CLUL1: variants seen among roughly 807,000 people sequenced by gnomAD.
CLUL1 encodes the protein clusterin like 1.
A neutral mutation model predicts 49.4 loss-of-function variants in CLUL1; 43 were observed. The observed-to-expected ratio is 0.87, with a 90% confidence interval of 0.68 to 1.12. CLUL1 has a LOEUF of 1.12. Ranked by LOEUF, CLUL1 falls within the 50% of genes most tolerant of loss-of-function variation. The pLI is 0.00. For synonymous variants in CLUL1, 192 were observed against 184.9 expected, an observed-to-expected ratio of 1.04 and a Z score of -0.31; for missense variants, 486 against 544.4, an observed-to-expected ratio of 0.89 and a Z score of 1.07.
At chr18:624,721 G>T in intron 4 of CLUL1, 144 bp from the exon 5 acceptor site, 1 of 670,798 alleles carries the variant, frequency 1.5e-6, no homozygotes, top group South Asian at 2.0e-5. Context: ...GAAAGCTTTG[G>T]GGGAGATCTG....
chr18:642,410 C>T (rs920149644), intron 8 of CLUL1, among the ~76,000 whole-genome samples: 8 of 152,054 alleles, frequency 5.3e-5, no homozygotes, highest in Middle Eastern at 3.2e-3. Context: ...CCAGCCTGGG[C>T]GACAGAAGGA....
At position 645,058 on chromosome 18, in the gene CLUL1, CA is replaced by C. The variant is rs760663453; in HGVS notation, c.1362del (p.Ala455LeufsTer16). On this transcript the variant is annotated frameshift_variant, in exon 9 of 10. Coordinates refer to ENST00000692774, the MANE Select transcript of CLUL1 (RefSeq NM_001393344.1). LOFTEE classifies it high-confidence loss of function. Reference protein sequence around the residue: ...ESSNFIGYVVAKALQHFKEHF... With the variant: ...ESSNFIGYVVXKALQHFKEHF... ...TCTAACTTCATTGGCTACGTAGTGG[CA>C]AAAGCTCTACAGCATTTTAAGGAAC... is the stretch of plus-strand genomic sequence containing the variant. 23 of 1,610,102 alleles carry C rather than the reference CA, an allele frequency of 1.4e-5. No individual in the cohort carries two copies. The highest frequency in any genetic ancestry group is 1.8e-5 in the Non-Finnish European group (21 of 1,178,434).
At position 607,053 on chromosome 18, in the gene CLUL1, T is replaced by A. The variant is rs1355914005; in HGVS notation, c.-60T>A. The A allele has an allele frequency of 1.4e-6, 1 of 701,684 alleles. No individual in the cohort carries two copies. The highest frequency in any genetic ancestry group is 2.7e-5 in the East Asian group (1 of 37,292). 43.5% of individuals were successfully genotyped at this position (701,684 alleles called of 1,614,324 possible). ...CTCACTGAAGCCTCAAATTCCTGGGTTCAAGTGACCCTCCTACCTCAGCCC... is the reference window on the plus strand; with the variant it reads ...CTCACTGAAGCCTCAAATTCCTGGGATCAAGTGACCCTCCTACCTCAGCCC... On this transcript the variant is annotated 5_prime_UTR_variant, in exon 2 of 10. Coordinates refer to ENST00000692774, the MANE Select transcript of CLUL1 (RefSeq NM_001393344.1).
At chr18:629,582 G>A (rs1157411597) in intron 6 of CLUL1, among the ~76,000 whole-genome samples, 1 of 152,110 alleles carries the variant, frequency 6.6e-6, no homozygotes, top group Non-Finnish European at 1.5e-5. Flanking sequence ...CACACAGCTG[G>A]GGGCCAGCCC....
chr18:648,971 T>C (rs1389008332), intron 9 of CLUL1, among the ~76,000 whole-genome samples: 2 of 152,228 alleles, frequency 1.3e-5, no homozygotes, highest in Non-Finnish European at 2.9e-5. Context: ...TTTCAATTTT[T>C]AAAATCTTCA....
intron 1 of CLUL1, among the ~76,000 whole-genome samples, chr18:600,568 A>G (rs2072799477): frequency 6.6e-6 from 1 of 152,230 alleles, no homozygotes; most frequent in Non-Finnish European, 1.5e-5. Context: ...AAATACACTC[A>G]GAAACCTGAG....
chr18:643,198 C>T (rs1375393296), intron 8 of CLUL1, among the ~76,000 whole-genome samples: 1 of 152,182 alleles, frequency 6.6e-6, no homozygotes, highest in African/African-American at 2.4e-5. Context: ...ATATGCACAT[C>T]ATGGAATTTC....
intron 1 of CLUL1, among the ~76,000 whole-genome samples, chr18:601,698 A>T (rs1298488326): frequency 2.6e-5 from 4 of 151,782 alleles, no homozygotes; most frequent in Non-Finnish European, 1.5e-5. Flanking sequence ...AATCCCAGCT[A>T]CCTGGAAGGC....
At chr18:621,558 G>A (rs1055020941) in intron 4 of CLUL1, among the ~76,000 whole-genome samples, 15 of 152,290 alleles carry the variant, frequency 9.8e-5, no homozygotes, top group African/African-American at 3.6e-4. Flanking sequence ...CCCTCCAGCT[G>A]GGATCTTCCC....
chr18:641,297 C>T (rs1171853535), intron 7 of CLUL1, 30 bp from the exon 8 acceptor site: 10 of 1,598,212 alleles, frequency 6.3e-6, no homozygotes, highest in African/African-American at 1.3e-5. Context: ...TGGACTTTTT[C>T]CTTCTCCACA....
intron 9 of CLUL1, 89 bp downstream of exon 9, chr18:645,186 G>A (rs1184216267): frequency 2.9e-5 from 29 of 998,592 alleles, no homozygotes; most frequent in Non-Finnish European, 4.0e-5. Flanking sequence ...CAAATACCTG[G>A]AAAACATGTT....
intron 2 of CLUL1, chr18:612,696 A>C (rs1873233465): frequency 6.6e-6 from 1 of 152,060 alleles, no homozygotes; most frequent in Admixed American, 6.6e-5. Context: ...ATTCCCACTT[A>C]ATTTTCTTCA....
At chr18:612,289 A>T (rs2073158031) in intron 2 of CLUL1, among the ~76,000 whole-genome samples, 1 of 152,160 alleles carries the variant, frequency 6.6e-6, no homozygotes. Flanking sequence ...TACTTACAGG[A>T]TATGCACATT....
chr18:616,920 A>G (rs981243919), intron 2 of CLUL1, among the ~76,000 whole-genome samples: 1 of 152,244 alleles, frequency 6.6e-6, no homozygotes, highest in African/African-American at 2.4e-5. Flanking sequence ...AATGTTGATC[A>G]AATAATGGAG....
At position 606,893 on chromosome 18, in the gene CLUL1, C is replaced by A. The variant is rs995982904; in HGVS notation, c.-135-85C>A. On this transcript the variant is annotated intron_variant, in intron 1 of 9. Transcript: ENST00000692774. The surrounding 1 kb of genome is among the most constrained non-coding windows in gnomAD (Gnocchi z 4.1). ...AAGGCCAGTTCACCCTCAGTGCTCA[C>A]TACTTTGCAGTGTTCATAGAATATT... 3.6e-6 allele frequency: 2 copies of A among 559,356 alleles called. No individual in the cohort carries two copies. The highest frequency in any genetic ancestry group is 3.8e-5 in the African/African-American group (2 of 52,708). The allele number at this position is 559,356 out of a possible 1,614,324, so 34.6% of individuals were successfully genotyped here.
intron 4 of CLUL1, among the ~76,000 whole-genome samples, chr18:620,651 CTT>C (rs1233526025): frequency 1.3e-5 from 2 of 152,158 alleles, no homozygotes; most frequent in Non-Finnish European, 2.9e-5. Flanking sequence ...AGCCTAATCA[CTT>C]TTTCAAATTC....
At chr18:644,382 C>A (rs188783015) in intron 8 of CLUL1, among the ~76,000 whole-genome samples, 1 of 152,268 alleles carries the variant, frequency 6.6e-6, no homozygotes, top group Non-Finnish European at 1.5e-5. Flanking sequence ...AAAATCACAC[C>A]TACAACCATA....
Position 624,948 on chromosome 18 carries a change from G to T in CLUL1, c.339G>T (p.Trp113Cys). 2 of 1,614,090 alleles carry T rather than the reference G, an allele frequency of 1.2e-6. No individual in the cohort carries two copies. Among genetic ancestry groups the T allele is most frequent in the Non-Finnish European group, 1.7e-6 (2 of 1,179,982 alleles). Residue 113 changes from tryptophan (W) to cysteine (C), a missense_variant, in exon 5 of 10, where the codon TGG becomes TGT. Physicochemically the swap from Trp to Cys is radical, Grantham distance 215. Coordinates refer to ENST00000692774, the MANE Select transcript of CLUL1 (RefSeq NM_001393344.1). The stretch of plus-strand genomic sequence containing the variant: ...GCCGGGAGTCTTTGGCAGATTCCTG[G>T]GGTGAATGCAGGTCTTGCCTGGAAA... ...RLCRESLADS[W>C]GECRSCLENN... is the part of the protein sequence containing the mutation.
At chr18:619,063 G>A in intron 3 of CLUL1, 150 bp from the exon 4 acceptor site, 1 of 656,356 alleles carries the variant, frequency 1.5e-6, no homozygotes, top group Non-Finnish European at 2.5e-6. Flanking sequence ...CCATGTGGCA[G>A]CTGACAGCTA....
Sources: gnomAD v4.1 joint callset for allele counts (sites outside exome capture counted in the v4.1 genomes callset) on GRCh38, gnomAD v4.1.1 for gene constraint, Gnocchi (gnomAD v3.1) non-coding constraint, MANE v1.5 for transcripts, NCBI Gene and HGNC (gene_info 2026-07-23, HGNC 2026-07-21) for gene names.